The following EFCAB5 variants were observed in gnomAD, a reference collection of about 807,000 sequenced individuals.
EFCAB5 encodes the protein EF-hand calcium binding domain 5, also known as EF-hand calcium-binding domain-containing protein 5.
In EFCAB5, 131 loss-of-function variants were observed where a neutral mutation model predicts 167.9. That is an observed-to-expected ratio of 0.78 (90% CI 0.68 to 0.90). The LOEUF is 0.90. Ranked by LOEUF, EFCAB5 falls within the 40% of genes least tolerant of loss-of-function variation. The pLI is 0.00. For missense variants in EFCAB5, 1,663 were observed against 1,745.2 expected, an observed-to-expected ratio of 0.95 and a Z score of 0.84; for synonymous variants, 574 against 602.8, an observed-to-expected ratio of 0.95 and a Z score of 0.70.
At chr17:30,027,131 C>T (rs909424600) in intron 7 of EFCAB5, among the ~76,000 whole-genome samples, 2 of 150,598 alleles carry the variant, frequency 1.3e-5, no homozygotes, top group Admixed American at 6.6e-5. Context: ...GGACTACAGG[C>T]GCTTGCCACC....
chr17:30,054,079 G>A lies in EFCAB5; in HGVS notation c.2125G>A (p.Glu709Lys), dbSNP rs1025765312. 17 of 1,590,336 alleles carry A rather than the reference G, an allele frequency of 1.1e-5. No individual in the cohort carries two copies. In the Admixed American group the frequency reaches 2.7e-4, roughly 25 times the overall value. ...GAGGTCTTGGGAACAAACATATGAA[G>A]AGGAAATATTCCTGAGTTCTGAACT... is the stretch of plus-strand genomic sequence containing the variant. ...EKRSWEQTYE[E>K]EIFLSSELQE... is the part of the protein sequence containing the mutation. Residue 709 changes from glutamate to lysine, a missense_variant, in exon 10 of 23, where the codon GAG becomes AAG. Transcript: ENST00000394835.
At chr17:29,999,326 G>A (rs536046439) in intron 6 of EFCAB5, among the ~76,000 whole-genome samples, 4 of 152,124 alleles carry the variant, frequency 2.6e-5, no homozygotes, top group African/African-American at 9.6e-5. Flanking sequence ...ATATACATTT[G>A]TATACATACA....
chr17:30,066,297 A>C (rs2070567992), intron 14 of EFCAB5, among the ~76,000 whole-genome samples: 1 of 152,234 alleles, frequency 6.6e-6, no homozygotes, highest in Non-Finnish European at 1.5e-5. Flanking sequence ...ATCAGTAACA[A>C]GAGGAACTTT....
chr17:30,075,330 C>G (rs769026433), intron 14 of EFCAB5, among the ~76,000 whole-genome samples: 3 of 152,206 alleles, frequency 2.0e-5, no homozygotes, highest in Non-Finnish European at 4.4e-5. Context: ...CACCCCTCAA[C>G]AGATCACCCC....
upstream of EFCAB5, among the ~76,000 whole-genome samples, chr17:29,937,846 G>A (rs1455709049): frequency 6.6e-6 from 1 of 152,112 alleles, no homozygotes; most frequent in Non-Finnish European, 1.5e-5. Context: ...GGACTGAAGT[G>A]GTATTTTGGA....
chr17:29,971,817 T>C (rs971716599), intron 4 of EFCAB5, among the ~76,000 whole-genome samples: 7 of 152,218 alleles, frequency 4.6e-5, no homozygotes, highest in Non-Finnish European at 7.3e-5. Context: ...GAATACGGTA[T>C]ATATCTATCT....
At chr17:29,980,364 A>G (rs1192643852) in intron 4 of EFCAB5, among the ~76,000 whole-genome samples, 1 of 152,216 alleles carries the variant, frequency 6.6e-6, no homozygotes, top group Non-Finnish European at 1.5e-5. Flanking sequence ...TATCAAAAGC[A>G]GTTGTCCGTA....
chr17:30,046,709 G>A (rs985181968), intron 8 of EFCAB5, among the ~76,000 whole-genome samples: 1 of 152,150 alleles, frequency 6.6e-6, no homozygotes, highest in African/African-American at 2.4e-5. Flanking sequence ...TTCCTTGGCA[G>A]GAGAAGCAAC....
rs1293311441 is a variant in EFCAB5 at position 30,034,310 on chromosome 17, A to G, written c.1125A>G (p.Glu375=). The part of the protein sequence containing the change: ...LLKHLCHSAD[E]FREVIKADMR... ...AGCACCTTTGCCACTCTGCAGATGA[A>G]TTTCGGGAGGTCATAAAAGCTGACA... is the stretch of plus-strand genomic sequence containing the variant. Residue 375 remains glutamate (E), a synonymous_variant, in exon 8 of 23, where the codon GAA becomes GAG. Coordinates refer to ENST00000394835, the MANE Select transcript of EFCAB5 (RefSeq NM_198529.4). 3 of 1,613,812 alleles carry G rather than the reference A, an allele frequency of 1.9e-6. No individual in the cohort carries two copies. Among genetic ancestry groups the G allele is most frequent in the South Asian group, 2.2e-5 (2 of 91,076 alleles).
chr17:29,942,444 A>T, intron 2 of EFCAB5, 142 bp downstream of exon 2: 2 of 670,982 alleles, frequency 3.0e-6, no homozygotes, highest in Non-Finnish European at 4.6e-6. Context: ...CATGTTGATT[A>T]TTAAGCTGAT....
intron 7 of EFCAB5, among the ~76,000 whole-genome samples, chr17:30,024,567 A>C (rs1052737008): frequency 1.8e-4 from 27 of 152,100 alleles, no homozygotes; most frequent in African/African-American, 6.5e-4. Context: ...TTCCATGCTC[A>C]TGGGTAGGAA....
intron 14 of EFCAB5, among the ~76,000 whole-genome samples, chr17:30,060,235 T>A (rs896965688): frequency 1.9e-4 from 26 of 137,712 alleles, no homozygotes; most frequent in South Asian, 9.0e-4. Flanking sequence ...TAAAAAAAAA[T>A]TTAAAAAAAA....
intron 7 of EFCAB5, among the ~76,000 whole-genome samples, chr17:30,006,988 T>C (rs1368067759): frequency 6.6e-6 from 1 of 152,144 alleles, no homozygotes; most frequent in African/African-American, 2.4e-5. Context: ...CCATGTAAAT[T>C]TTGATTTTTA....
chr17:30,039,783 C>T (rs2069719712), intron 8 of EFCAB5, among the ~76,000 whole-genome samples: 1 of 152,194 alleles, frequency 6.6e-6, no homozygotes, highest in African/African-American at 2.4e-5. Flanking sequence ...CACTTTAGAG[C>T]GTTTCTATGG....
chr17:30,069,198 T>C, intron 14 of EFCAB5: 1 of 1,545,490 alleles, frequency 6.5e-7, no homozygotes, highest in Non-Finnish European at 8.9e-7. Flanking sequence ...CACAGTGTCC[T>C]TCAAAAGACT....
rs2070084998 is a variant in EFCAB5 at position 30,051,190 on chromosome 17, A to G, written c.1273A>G (p.Arg425Gly). The G allele has an allele frequency of 1.4e-5, 22 of 1,613,908 alleles. No individual in the cohort carries two copies. The highest frequency in any genetic ancestry group is 1.8e-5 in the Non-Finnish European group (21 of 1,179,906). The change falls in exon 9 of 23, where the codon AGG becomes GGG. Residue 425 changes from arginine to glycine, a missense_variant. By Grantham distance (125) the Arg-to-Gly change is moderately radical (BLOSUM62 -2). Transcript: ENST00000394835. ...LFYDHSSQML[R>G]SLLRNPRQWP... ...CTATGACCATAGTTCACAAATGCTT[A>G]GGAGTTTACTTCGAAACCCACGACA...
chr17:29,950,083 A>AT (rs2067477241), intron 3 of EFCAB5, among the ~76,000 whole-genome samples: 1 of 152,164 alleles, frequency 6.6e-6, no homozygotes, highest in African/African-American at 2.4e-5. Context: ...TTTGAATTGC[A>AT]TGGGTCCACT....
chr17:30,098,707 T>C (rs1261099235), intron 22 of EFCAB5, among the ~76,000 whole-genome samples: 1 of 152,202 alleles, frequency 6.6e-6, no homozygotes, highest in African/African-American at 2.4e-5. Context: ...TAGAATTTAG[T>C]GGTTTTGAAT....
At chr17:30,054,243 T>C in intron 10 of EFCAB5, 95 bp downstream of exon 10, 2 of 1,431,482 alleles carry the variant, frequency 1.4e-6, no homozygotes, top group Non-Finnish European at 1.8e-6. Flanking sequence ...TAGAATTTTT[T>C]TTCTGGCATA....
Sources: allele counts gnomAD v4.1 joint callset (sites outside exome capture counted in the v4.1 genomes callset), GRCh38; gene constraint gnomAD v4.1.1; transcripts MANE v1.5; gene names NCBI Gene and HGNC (gene_info 2026-07-23, HGNC 2026-07-21).